SF3A1: variants seen among roughly 807,000 people sequenced by gnomAD.
SF3A1 encodes SAP 114.
SF3A1 carries 13 observed loss-of-function variants against 89.9 expected under a neutral mutation model. The observed-to-expected ratio is 0.14, with a 90% CI of 0.09 to 0.23. The LOEUF is 0.23. Among genes scored for constraint, SF3A1 ranks in the 10% least tolerant of loss-of-function variants. SF3A1 has a pLI of 1.00. For synonymous variants in SF3A1, 405 were observed against 374.4 expected, an observed-to-expected ratio of 1.08 and a Z score of -0.94; for missense variants, 604 against 1,022.1, an observed-to-expected ratio of 0.59 and a Z score of 5.58.
At position 30,338,852 on chromosome 22, in the gene SF3A1, T is replaced by C. The variant is rs540384591; in HGVS notation, c.1680A>G (p.Pro560=). 2.5e-6 allele frequency: 4 copies of C among 1,614,176 alleles called. No homozygotes were observed. The African/African-American group carries it at 5.3e-5, about 22-fold the overall frequency. ...AGCTGGGGATGTTGGTGGCTGAAGATGGTGGCGGTGGCTGTTGAGGGATTT... is the reference window on the plus strand; with the variant it reads ...AGCTGGGGATGTTGGTGGCTGAAGACGGTGGCGGTGGCTGTTGAGGGATTT... The part of the protein sequence containing the change: ...PNEIPQQPPP[P]SSATNIPSSA... Residue 560 remains proline, a synonymous_variant, in exon 11 of 16, where the codon CCA becomes CCG. Transcript: ENST00000215793.
rs1456469478 is a variant in SF3A1, at chr22:30,337,686, T to A, written c.1951+4A>T. The A allele has an allele frequency of 5.6e-6, 5 of 894,752 alleles. No individual in the cohort carries two copies. In the South Asian group the frequency reaches 6.9e-5, roughly 12 times the overall value. The allele number at this position is 894,752 out of a possible 1,614,324, so 55.4% of individuals were successfully genotyped here. ...GCCTGGAAAATGATGCAAGAGATAC[T>A]GACCTGTTGGCACAATCATGGGGGG... On this transcript the variant is annotated splice_donor_region_variant and intron_variant, in intron 12 of 15. Coordinates refer to ENST00000215793, the MANE Select transcript of SF3A1 (RefSeq NM_005877.6).
chr22:30,344,643 A>C (rs987015242), intron 4 of SF3A1, among the ~76,000 whole-genome samples: 1 of 152,250 alleles, frequency 6.6e-6, no homozygotes, highest in African/African-American at 2.4e-5. Context: ...ACGGAAATGC[A>C]CTTAAAAGCA....
intron 2 of SF3A1, among the ~76,000 whole-genome samples, chr22:30,347,269 C>T (rs1446048609): frequency 6.6e-6 from 1 of 152,134 alleles, no homozygotes; most frequent in Non-Finnish European, 1.5e-5. Flanking sequence ...CGTATTCCAG[C>T]CTGGAAAACA....
chr22:30,342,591 G>A, intron 5 of SF3A1: 1 of 624,956 alleles, frequency 1.6e-6, no homozygotes, highest in South Asian at 2.0e-5. Flanking sequence ...TGGAAAAGAG[G>A]GAGATATATT....
chr22:30,342,798 A>G lies in SF3A1; in HGVS notation c.726+7T>C, dbSNP rs753216615. Reference sequence around the variant, plus strand: ...TAACTGGTTGCAAGAAATGCTATTCAGTTTACCTGATCCAAAACTTCTCGG... The same window carrying G: ...TAACTGGTTGCAAGAAATGCTATTCGGTTTACCTGATCCAAAACTTCTCGG... On this transcript the variant is annotated splice_region_variant and intron_variant, in intron 5 of 15. Transcript: ENST00000215793. 17 of 1,584,734 alleles carry G rather than the reference A, an allele frequency of 1.1e-5. No individual in the cohort carries two copies. In the East Asian group the frequency reaches 3.6e-4, roughly 33 times the overall value.
chr22:30,342,411 AC>A (rs1931288363), intron 5 of SF3A1, 61 bp from the exon 6 acceptor site: 1 of 1,530,530 alleles, frequency 6.5e-7, no homozygotes, highest in African/African-American at 1.4e-5. Context: ...TGATGAGGCT[AC>A]CACCTCCAGG....
intron 8 of SF3A1, 65 bp downstream of exon 8, chr22:30,340,630 G>A: frequency 9.7e-7 from 1 of 1,026,430 alleles, no homozygotes; most frequent in Admixed American, 2.0e-5. Flanking sequence ...ACGGGTGTGA[G>A]GAACACATGA....
Position 30,335,708 on chromosome 22 carries a change from T to C in SF3A1, c.2152A>G (p.Thr718Ala), listed in dbSNP as rs1931044450. The C allele has an allele frequency of 6.2e-7, 1 of 1,614,180 alleles. No homozygotes were observed. The highest frequency in any genetic ancestry group is 8.5e-7 in the Non-Finnish European group (1 of 1,180,032). Residue 718 changes from threonine (T) to alanine (A), a missense_variant, in exon 14 of 16, where the codon ACG becomes GCG. Physicochemically the swap from Thr to Ala is moderately conservative, Grantham distance 58. Transcript: ENST00000215793. The part of the protein sequence containing the change: ...KVQVPNMQDK[T>A]EWKLNGQVLV... ...ACCTGCCCATTCAGTTTCCATTCCG[T>C]CTTATCCTGCATGTTGGGCACCTGG...
At chr22:30,344,737 C>T (rs529242526) in intron 4 of SF3A1, among the ~76,000 whole-genome samples, 196 bp downstream of exon 4, 1 of 152,202 alleles carries the variant, frequency 6.6e-6, no homozygotes, top group Non-Finnish European at 1.5e-5. Context: ...CTTTAGAAAC[C>T]GGCAGTCTGT....
chr22:30,351,636 G>C (rs564915058), intron 2 of SF3A1, among the ~76,000 whole-genome samples: 40 of 152,254 alleles, frequency 2.6e-4, no homozygotes, highest in Non-Finnish European at 4.6e-4. Context: ...AAGTAGCTGG[G>C]ATCACAGGCC....
At chr22:30,349,032 G>C (rs1458155619) in intron 2 of SF3A1, among the ~76,000 whole-genome samples, 2 of 152,242 alleles carry the variant, frequency 1.3e-5, no homozygotes, top group African/African-American at 2.4e-5. Flanking sequence ...ACATGATTCT[G>C]ACTCAACCCA....
rs1722114079 is a variant in SF3A1, at chr22:30,339,000, C to T, written c.1532G>A (p.Arg511Gln). ...GTTGGCCTGGGCAGCCTGCTGGGTCCGGGCCATGCTGCCTGAGTGGCCATC... is the reference window on the plus strand; with the variant it reads ...GTTGGCCTGGGCAGCCTGCTGGGTCTGGGCCATGCTGCCTGAGTGGCCATC... ...TWDGHSGSMA[R>Q]TQQAAQANIT... The change falls in exon 11 of 16, where the codon CGG becomes CAG. Residue 511 changes from arginine (R) to glutamine (Q), a missense_variant. Arg to Gln is a conservative substitution (Grantham distance 43, BLOSUM62 1). Transcript: ENST00000215793. 2 of 1,614,032 alleles carry T rather than the reference C, an allele frequency of 1.2e-6. No individual in the cohort carries two copies. Among genetic ancestry groups the T allele is most frequent in the Non-Finnish European group, 1.7e-6 (2 of 1,180,044 alleles).
At position 30,356,884 on chromosome 22, in the gene SF3A1, C is replaced by A; in HGVS notation, c.-92G>T. ...CCCCGCTCGGTCAGTACGACGAGCT[C>A]GCAAGATGGCGGCGGCCGAGCGAGT... On this transcript the variant is annotated 5_prime_UTR_variant, in exon 1 of 16. Transcript: ENST00000215793. 1 of 1,101,988 alleles carries A rather than the reference C, an allele frequency of 9.1e-7. No individual in the cohort carries two copies. The highest frequency in any genetic ancestry group is 3.7e-5 in the South Asian group (1 of 27,394). The allele number at this position is 1,101,988 out of a possible 1,614,324, so 68.3% of individuals were successfully genotyped here. A position where few individuals can be genotyped will look rare whatever the true frequency, so the allele number is the denominator to read the frequency against.
chr22:30,347,595 C>A (rs1020282853), intron 2 of SF3A1, among the ~76,000 whole-genome samples: 1 of 152,064 alleles, frequency 6.6e-6, no homozygotes, highest in Admixed American at 6.6e-5. Context: ...TTTAGGGAAC[C>A]CTGATTTTTA....
chr22:30,345,324 C>T (rs980065528), intron 3 of SF3A1, 134 bp from the exon 4 acceptor site: 4 of 771,594 alleles, frequency 5.2e-6, no homozygotes, highest in South Asian at 3.6e-5. Flanking sequence ...ATTATGCACA[C>T]ACCACTAGCA....
intron 4 of SF3A1, among the ~76,000 whole-genome samples, chr22:30,343,518 C>T (rs1441789565): frequency 6.6e-6 from 1 of 152,238 alleles, no homozygotes; most frequent in Admixed American, 6.5e-5. Context: ...CTGCCACTGG[C>T]AAAGTGGCTC....
rs945171346 is a variant in SF3A1, at chr22:30,335,706, C to T, written c.2154G>A (p.Thr718=). The change falls in exon 14 of 16, where the codon ACG becomes ACA. Residue 718 remains threonine, a synonymous_variant. Coordinates refer to ENST00000215793, the MANE Select transcript of SF3A1 (RefSeq NM_005877.6). ...GCACCTGCCCATTCAGTTTCCATTC[C>T]GTCTTATCCTGCATGTTGGGCACCT... ...KVQVPNMQDK[T]EWKLNGQVLV... The T allele has an allele frequency of 3.1e-6, 5 of 1,614,104 alleles. No individual in the cohort carries two copies. The highest frequency in any genetic ancestry group is 1.3e-5 in the African/African-American group (1 of 74,928).
rs374460216 is a variant in SF3A1, at chr22:30,340,789, C to A, written c.1095G>T (p.Gly365=). 6.3e-7 allele frequency: 1 copy of A among 1,591,282 alleles called. No individual in the cohort carries two copies. The highest frequency in any genetic ancestry group is 1.1e-5 in the South Asian group (1 of 89,458). Residue 365 remains glycine, a synonymous_variant, in exon 8 of 16, where the codon GGG becomes GGT. Transcript: ENST00000215793. The part of the protein sequence containing the change: ...MDEGSDDEEE[G]QKVPPPPETP... ...TCTCTGGGGGTGGGGGCACTTTCTGCCCTTCTTCTTCATCATCTGAACCCT... is the reference window on the plus strand; with the variant it reads ...TCTCTGGGGGTGGGGGCACTTTCTGACCTTCTTCTTCATCATCTGAACCCT...
In SF3A1 at chr22:30,355,933, A is replaced by C. The variant is rs1931805255; in HGVS notation, c.63+797T>G. Among the ~76,000 whole-genome samples, 4 of 150,736 alleles carry C rather than the reference A, an allele frequency of 2.7e-5. 1 individual carries two copies. In the South Asian group the frequency reaches 8.4e-4, roughly 32 times the overall value. ...CCTTCCCTAGTCACCTACCTGGCAA[A>C]CTCCTATTCCTTCTTCTAAAAGAAA... On this transcript the variant is annotated intron_variant, in intron 1 of 15. Coordinates refer to ENST00000215793, the MANE Select transcript of SF3A1 (RefSeq NM_005877.6).
Sources: allele counts gnomAD v4.1 joint callset (sites outside exome capture counted in the v4.1 genomes callset), GRCh38; gene constraint gnomAD v4.1.1; transcripts MANE v1.5; gene names NCBI Gene and HGNC (gene_info 2026-07-23, HGNC 2026-07-21).